Variants in CEP63 observed in about 807,000 individuals in gnomAD.
CEP63 encodes centrosomal protein of 63 kDa.
In CEP63, 84 loss-of-function variants were observed where a neutral mutation model predicts 89.1. That is an observed-to-expected ratio of 0.94 (90% CI 0.79 to 1.13). The LOEUF (loss-of-function observed/expected upper bound fraction) is 1.13. Among genes scored for constraint, CEP63 ranks in the 50% most tolerant of loss-of-function variants. The probability of loss-of-function intolerance (pLI) is 0.00; values close to 1 mark genes in which losing one functional copy is unlikely to be tolerated. For missense variants in CEP63, 838 were observed against 813.3 expected, an observed-to-expected ratio of 1.03 and a Z score of -0.37; for synonymous variants, 267 against 272.5, an observed-to-expected ratio of 0.98 and a Z score of 0.20.
At chr3:134,775,610 A>G in the CEP63 span, among the ~76,000 whole-genome samples, 3 of 152,124 alleles carry the variant, frequency 2.0e-5, no homozygotes, top group Non-Finnish European at 4.4e-5. Flanking sequence ...CAGAGAGTCC[A>G]ATACGCCCCC....
At chr3:134,524,653 C>T (rs942586593) in intron 3 of CEP63, among the ~76,000 whole-genome samples, 4 of 152,092 alleles carry the variant, frequency 2.6e-5, no homozygotes, top group East Asian at 1.9e-4. Context: ...TGGTTTTTGG[C>T]TTTAGTTCTG....
intron 3 of CEP63, among the ~76,000 whole-genome samples, chr3:134,522,580 C>G (rs1457612985): frequency 6.6e-6 from 1 of 151,958 alleles, no homozygotes; most frequent in Admixed American, 6.6e-5. Flanking sequence ...GGTATTAAGC[C>G]TAGTACCCCT....
the CEP63 span, among the ~76,000 whole-genome samples, chr3:134,723,421 G>A: frequency 1.6e-4 from 25 of 152,294 alleles, no homozygotes; most frequent in East Asian, 2.1e-3. Context: ...TAAGAAATAC[G>A]TGTAACCAAA....
intron 2 of CEP63, among the ~76,000 whole-genome samples, chr3:134,497,211 C>T (rs1204397968): frequency 6.6e-6 from 1 of 152,102 alleles, no homozygotes; most frequent in Non-Finnish European, 1.5e-5. Flanking sequence ...TTCTCCCATT[C>T]TACAAGTTGT....
chr3:134,666,035 A>T, the CEP63 span, among the ~76,000 whole-genome samples: 1 of 152,072 alleles, frequency 6.6e-6, no homozygotes, highest in East Asian at 1.9e-4. Flanking sequence ...AGAGAGTGAG[A>T]CAGGGAGAGA....
At chr3:134,601,689 C>T in the CEP63 span, among the ~76,000 whole-genome samples, 2 of 152,226 alleles carry the variant, frequency 1.3e-5, no homozygotes, top group African/African-American at 2.4e-5. Context: ...GCAGGACCTG[C>T]CCAGGACAGT....
At chr3:134,761,127 A>G in the CEP63 span, among the ~76,000 whole-genome samples, 1 of 152,028 alleles carries the variant, frequency 6.6e-6, no homozygotes, top group Non-Finnish European at 1.5e-5. Context: ...AGCAATTTCC[A>G]TTGTCACTGG....
the CEP63 span, among the ~76,000 whole-genome samples, chr3:134,614,797 G>T: frequency 6.6e-6 from 1 of 152,136 alleles, no homozygotes; most frequent in South Asian, 2.1e-4. Flanking sequence ...TCAGTACCAA[G>T]GCCAGGCCCC....
In CEP63 at chr3:134,528,593, T is replaced by TGTGTGC. The variant is rs769215255; in HGVS notation, c.223-3251_223-3250insTGTGCG. Among the ~76,000 whole-genome samples, 3 of 149,408 alleles carry TGTGTGC rather than the reference T, an allele frequency of 2.0e-5. No individual in the cohort carries two copies. The East Asian group carries it at 5.9e-4, about 30-fold the overall frequency. Reference sequence around the variant, plus strand: ...GCGTGTGTGTGTGTGTGTGTGTGTGTGGTGTTTTGAGGGTTGCCTTTTCTC... The same window carrying TGTGTGC: ...GCGTGTGTGTGTGTGTGTGTGTGTGTGTGTGCGGTGTTTTGAGGGTTGCCTTTTCTC... On this transcript the variant is annotated intron_variant, in intron 3 of 14. Coordinates refer to ENST00000675561, the MANE Select transcript of CEP63 (RefSeq NM_001353108.3).
chr3:134,747,438 A>G, the CEP63 span, among the ~76,000 whole-genome samples: 1 of 152,370 alleles, frequency 6.6e-6, no homozygotes, highest in Admixed American at 6.5e-5. Context: ...CTCAATTCAG[A>G]AAAGCACATT....
intron 2 of CEP63, among the ~76,000 whole-genome samples, chr3:134,499,820 C>CTTTTTTTTTTTTTTTTTTTTTTTTTTTTT (rs747946881): frequency 1.0e-5 from 1 of 99,128 alleles, no homozygotes; most frequent in Admixed American, 1.3e-4. Context: ...CCATCTTCAT[C>CTTTTTTTTTTTTTTTTTTTTTTTTTTTTT]TTTTTTTTTT....
the CEP63 span, among the ~76,000 whole-genome samples, chr3:134,661,224 TTCATA>T: frequency 2.6e-5 from 4 of 152,216 alleles, no homozygotes; most frequent in Non-Finnish European, 5.9e-5. Context: ...ACCATGCTCT[TTCATA>T]TCCATCCATC....
the CEP63 span, among the ~76,000 whole-genome samples, chr3:134,732,135 T>C: frequency 1.3e-5 from 2 of 152,280 alleles, no homozygotes; most frequent in African/African-American, 2.4e-5. Context: ...TACCAAGATA[T>C]TCGATTCCTC....
At chr3:134,700,972 GT>G in the CEP63 span, among the ~76,000 whole-genome samples, 1 of 151,866 alleles carries the variant, frequency 6.6e-6, no homozygotes, top group South Asian at 2.1e-4. Flanking sequence ...CATGCATCTT[GT>G]TTGCTGTCAT....
At position 134,505,534 on chromosome 3, in the gene CEP63, C is replaced by CGGGA. The variant is rs574362898; in HGVS notation, c.45-1575_45-1574insGGGA. 2.1e-4 allele frequency among the ~76,000 whole-genome samples: 32 copies of CGGGA among 152,222 alleles called. No homozygotes were observed. The South Asian group carries it at 6.4e-3, about 31-fold the overall frequency. On this transcript the variant is annotated intron_variant, in intron 2 of 14. Transcript: ENST00000675561. ...CAGGCAGGATGGGCTTGTCCTCAGGCTCCCAGATGGCATGCACAGGCACTG... is the reference window on the plus strand; with the variant it reads ...CAGGCAGGATGGGCTTGTCCTCAGGCGGGATCCCAGATGGCATGCACAGGCACTG...
chr3:134,716,791 C>T, the CEP63 span, among the ~76,000 whole-genome samples: 1 of 152,182 alleles, frequency 6.6e-6, no homozygotes, highest in African/African-American at 2.4e-5. Context: ...TTGTTTTTCT[C>T]TGATGGTCAA....
chr3:134,589,843 A>G (rs1414447038), downstream of CEP63, among the ~76,000 whole-genome samples: 1 of 152,232 alleles, frequency 6.6e-6, no homozygotes, highest in Non-Finnish European at 1.5e-5. Flanking sequence ...GCATGGAATC[A>G]ACCTAAATAC....
At chr3:134,721,855 T>G in the CEP63 span, among the ~76,000 whole-genome samples, 1 of 152,136 alleles carries the variant, frequency 6.6e-6, no homozygotes, top group South Asian at 2.1e-4. Flanking sequence ...TTTAAAATAT[T>G]GCTGGATTTA....
chr3:134,550,524 AAGG>A (rs1372046538), intron 11 of CEP63, among the ~76,000 whole-genome samples: 2 of 152,178 alleles, frequency 1.3e-5, no homozygotes, highest in Non-Finnish European at 2.9e-5. Flanking sequence ...ACTCGCTGCA[AAGG>A]CCTTCCAGAA....
Sources: gnomAD v4.1 joint callset for allele counts (sites outside exome capture counted in the v4.1 genomes callset) on GRCh38, gnomAD v4.1.1 for gene constraint, MANE v1.5 for transcripts, NCBI Gene and HGNC (gene_info 2026-07-23, HGNC 2026-07-21) for gene names.